The following SH3RF3 variants were observed in gnomAD, a reference collection of about 807,000 sequenced individuals.
SH3RF3 encodes the protein E3 ubiquitin-protein ligase SH3RF3.
Under a neutral mutation model 66.3 loss-of-function variants are expected in SH3RF3, and 29 were observed. The ratio of observed to expected loss-of-function variants is 0.44; its 90% CI spans 0.33 to 0.60. The LOEUF is 0.60. Among genes scored for constraint, SH3RF3 ranks in the 20% least tolerant of loss-of-function variants. SH3RF3 has a pLI of 0.04. For missense variants in SH3RF3, 1,194 were observed against 1,190.9 expected (o/e 1.00, Z -0.04); for synonymous variants, 583 against 532.0 (o/e 1.10, Z -1.32).
At chr2:109,349,019 T>TTCTC (rs141831998) in intron 2 of SH3RF3, among the ~76,000 whole-genome samples, 2 of 150,804 alleles carry the variant, frequency 1.3e-5, no homozygotes, top group African/African-American at 2.4e-5. Flanking sequence ...GTGTCAGTAT[T>TTCTC]TCTCTCTCTC....
chr2:109,276,791 A>G (rs1680768181), intron 1 of SH3RF3, among the ~76,000 whole-genome samples: 1 of 152,142 alleles, frequency 6.6e-6, no homozygotes, highest in Admixed American at 6.5e-5. Flanking sequence ...ACTTACATAT[A>G]TATATACTAC....
chr2:109,163,832 T>C (rs1449797740), intron 1 of SH3RF3, among the ~76,000 whole-genome samples: 1 of 152,180 alleles, frequency 6.6e-6, no homozygotes, highest in Non-Finnish European at 1.5e-5. Flanking sequence ...AAACAATGTG[T>C]TTTCCATGAT....
At chr2:109,360,153 G>T (rs534930532) in intron 2 of SH3RF3, among the ~76,000 whole-genome samples, 2 of 151,976 alleles carry the variant, frequency 1.3e-5, no homozygotes, top group South Asian at 2.1e-4. Flanking sequence ...GTTTGTTGTT[G>T]CTGTTGTTTA....
chr2:109,239,882 T>C (rs552185021), intron 1 of SH3RF3, among the ~76,000 whole-genome samples: 1 of 152,300 alleles, frequency 6.6e-6, no homozygotes, highest in African/African-American at 2.4e-5. Context: ...TAGAGAAATG[T>C]GTGCTGAAGG....
chr2:109,300,892 C>G (rs907574194), intron 1 of SH3RF3, among the ~76,000 whole-genome samples: 1 of 152,202 alleles, frequency 6.6e-6, no homozygotes, highest in Non-Finnish European at 1.5e-5. Context: ...CTCTCTGCTG[C>G]TTTGGAGGCA....
At chr2:109,323,921 T>G (rs943418896) in intron 1 of SH3RF3, among the ~76,000 whole-genome samples, 1 of 152,228 alleles carries the variant, frequency 6.6e-6, no homozygotes, top group Non-Finnish European at 1.5e-5. Context: ...TCAGAAACTT[T>G]CCATCACTGT....
intron 3 of SH3RF3, among the ~76,000 whole-genome samples, chr2:109,380,509 TG>T (rs1166644384): frequency 6.6e-6 from 1 of 152,218 alleles, no homozygotes; most frequent in Non-Finnish European, 1.5e-5. Flanking sequence ...GGGTCTAAGC[TG>T]GGAAGCTTGC....
At chr2:109,349,746 C>G (rs943530770) in intron 2 of SH3RF3, among the ~76,000 whole-genome samples, 4 of 152,360 alleles carry the variant, frequency 2.6e-5, no homozygotes, top group African/African-American at 7.2e-5. Flanking sequence ...TCGCAGGGCC[C>G]TGGAGCCTCT....
At chr2:109,341,757 T>C (rs1297398588) in intron 1 of SH3RF3, among the ~76,000 whole-genome samples, 1 of 152,212 alleles carries the variant, frequency 6.6e-6, no homozygotes, top group Non-Finnish European at 1.5e-5. Flanking sequence ...CAGATTTCCT[T>C]ATGCATGTCA....
chr2:109,453,341 AG>A (rs111279408), intron 8 of SH3RF3, among the ~76,000 whole-genome samples: 8,833 of 152,292 alleles, frequency 0.058, 795 homozygotes, highest in African/African-American at 0.19. Context: ...TGGTTTTAAA[AG>A]GTGGTCTTCA....
intron 1 of SH3RF3, among the ~76,000 whole-genome samples, chr2:109,230,330 C>T (rs1679476386): frequency 6.6e-6 from 1 of 152,150 alleles, no homozygotes; most frequent in East Asian, 1.9e-4. Flanking sequence ...AAACCCAGCA[C>T]TTCCGAGAGG....
chr2:109,378,225 A>G (rs1316714173), intron 3 of SH3RF3, among the ~76,000 whole-genome samples: 2 of 152,008 alleles, frequency 1.3e-5, no homozygotes, highest in Non-Finnish European at 2.9e-5. Flanking sequence ...ACCGGCTTGC[A>G]CTCTGGGTCA....
intron 6 of SH3RF3, among the ~76,000 whole-genome samples, chr2:109,435,095 C>A (rs1677362971): frequency 1.3e-5 from 2 of 152,230 alleles, no homozygotes; most frequent in South Asian, 4.1e-4. Context: ...AAGGAAAAGC[C>A]ACTCCAAATC....
chr2:109,239,377 C>T (rs1048362536), intron 1 of SH3RF3, among the ~76,000 whole-genome samples: 1 of 152,162 alleles, frequency 6.6e-6, no homozygotes, highest in African/African-American at 2.4e-5. Flanking sequence ...ATTTCTTTCT[C>T]CTCACACAAA....
intron 4 of SH3RF3, among the ~76,000 whole-genome samples, chr2:109,413,564 C>T (rs772826739): frequency 6.6e-6 from 1 of 152,190 alleles, no homozygotes; most frequent in Non-Finnish European, 1.5e-5. Flanking sequence ...GTCTGTCTCT[C>T]CCGCTCTAGA....
At chr2:109,264,022 C>G (rs183070649) in intron 1 of SH3RF3, among the ~76,000 whole-genome samples, 6 of 152,306 alleles carry the variant, frequency 3.9e-5, no homozygotes, top group Admixed American at 3.9e-4. Flanking sequence ...TCAGGACACT[C>G]CAGAAGCCCT....
intron 1 of SH3RF3, among the ~76,000 whole-genome samples, chr2:109,260,765 TTC>T (rs1297097886): frequency 5.9e-5 from 9 of 152,120 alleles, no homozygotes; most frequent in Non-Finnish European, 1.0e-4. Flanking sequence ...GCACGGAAAC[TTC>T]AGGTGACCCT....
chr2:109,497,419 G>C (rs1423771176), intron 9 of SH3RF3, among the ~76,000 whole-genome samples: 3 of 152,202 alleles, frequency 2.0e-5, no homozygotes, highest in East Asian at 3.8e-4. Flanking sequence ...CTCGCACACA[G>C]AGCTAATGGT....
chr2:109,227,723 A>G (rs1268402908), intron 1 of SH3RF3, among the ~76,000 whole-genome samples: 1 of 152,220 alleles, frequency 6.6e-6, no homozygotes, highest in Non-Finnish European at 1.5e-5. Flanking sequence ...TGCAAGTGCC[A>G]GAATCTTGTG....
Sources: gnomAD v4.1 joint callset for allele counts (sites outside exome capture counted in the v4.1 genomes callset) on GRCh38, gnomAD v4.1.1 for gene constraint, MANE v1.5 for transcripts, NCBI Gene and HGNC (gene_info 2026-07-23, HGNC 2026-07-21) for gene names.